The following PIK3R3 variants were observed in gnomAD, a reference collection of about 807,000 sequenced individuals.
PIK3R3 encodes phosphatidylinositol 3-kinase regulatory subunit gamma.
In PIK3R3, 64 loss-of-function variants were observed where a neutral mutation model predicts 62.9. The ratio of observed to expected loss-of-function variants is 1.02; its 90% confidence interval spans 0.83 to 1.25. PIK3R3 has a LOEUF of 1.25. PIK3R3 is among the 50% of genes most tolerant of loss of function. PIK3R3 has a pLI of 0.00. For synonymous variants in PIK3R3, 165 were observed against 189.0 expected, an observed-to-expected ratio of 0.87 and a Z score of 1.04; for missense variants, 614 against 561.6, an observed-to-expected ratio of 1.09 and a Z score of -0.94.
intron 1 of PIK3R3, among the ~76,000 whole-genome samples, chr1:46,116,682 T>TTAAA (rs893249616): frequency 7.2e-5 from 11 of 151,904 alleles, no homozygotes; most frequent in East Asian, 3.9e-4. Flanking sequence ...AAATTTTGTT[T>TTAAA]TAAATAAATA....
At chr1:46,165,772 T>TC in the PIK3R3 span, among the ~76,000 whole-genome samples, 1 of 101,802 alleles carries the variant, frequency 9.8e-6, no homozygotes, top group Non-Finnish European at 2.0e-5. Context: ...TTTTTTTTTT[T>TC]TTTTTTTTTT....
rs1258202037 is a variant in PIK3R3, at chr1:46,046,068, T to C, written c.1037A>G (p.Glu346Gly). Residue 346 changes from glutamate (E) to glycine (G), a missense_variant, in exon 9 of 10, where the codon GAA becomes GGA. By Grantham distance (98) the Glu-to-Gly change is moderately conservative. Coordinates refer to ENST00000262741, the MANE Select transcript of PIK3R3 (RefSeq NM_003629.4). ...ATCATAATGGGGCAGGTTTTCATCT[T>C]CCTCATTGATAAAATAGTTCCTAAA... ...DADENYFINE[E>G]DENLPHYDEK... is the part of the protein sequence containing the mutation. 1 of 1,599,068 alleles carries C rather than the reference T, an allele frequency of 6.3e-7. No individual in the cohort carries two copies. The highest frequency in any genetic ancestry group is 8.6e-7 in the Non-Finnish European group (1 of 1,168,546).
chr1:46,160,085 T>C, the PIK3R3 span, among the ~76,000 whole-genome samples: 1 of 152,220 alleles, frequency 6.6e-6, no homozygotes, highest in African/African-American at 2.4e-5. Context: ...TCCAAAATAG[T>C]TGGTTCATCA....
chr1:46,109,720 G>GATCC (rs1216545385), intron 1 of PIK3R3, among the ~76,000 whole-genome samples: 1 of 152,064 alleles, frequency 6.6e-6, no homozygotes, highest in Non-Finnish European at 1.5e-5. Context: ...CTGACCCCAT[G>GATCC]ATCCGCCCAC....
chr1:46,166,343 C>A, the PIK3R3 span, among the ~76,000 whole-genome samples: 1 of 151,918 alleles, frequency 6.6e-6, no homozygotes, highest in Non-Finnish European at 1.5e-5. Context: ...TGTGCTTCAG[C>A]CCCCGAGTAG....
At chr1:46,170,609 C>T in the PIK3R3 span, among the ~76,000 whole-genome samples, 2 of 152,158 alleles carry the variant, frequency 1.3e-5, no homozygotes, top group Non-Finnish European at 1.5e-5. Context: ...TTAGTAGAGA[C>T]GGGGCTTCAC....
At chr1:46,061,889 C>G (rs1236552993) in intron 6 of PIK3R3, 40 bp downstream of exon 6, 17 of 1,577,978 alleles carry the variant, frequency 1.1e-5, no homozygotes, top group Non-Finnish European at 1.5e-5. Flanking sequence ...AAAAGAAATC[C>G]TGTCTCACTG....
chr1:46,173,542 C>T, the PIK3R3 span, among the ~76,000 whole-genome samples: 1 of 152,160 alleles, frequency 6.6e-6, no homozygotes, highest in Non-Finnish European at 1.5e-5. Flanking sequence ...AGCCTGAGAG[C>T]CTGGTGTTCT....
Position 46,041,195 on chromosome 1 carries a change from T to C in PIK3R3, c.*2478A>G, listed in dbSNP as rs1646990079. ...CAAGTCATGGGCGTAGAGAAGCACC[T>C]TGCTACCCTCTCCCCCTCTACACAC... On this transcript the variant is annotated 3_prime_UTR_variant, in exon 10 of 10. Coordinates refer to ENST00000262741, the MANE Select transcript of PIK3R3 (RefSeq NM_003629.4). The C allele has an allele frequency of 6.5e-6, 1 of 153,820 alleles. No homozygotes were observed. The highest frequency in any genetic ancestry group is 2.1e-4 in the South Asian group (1 of 4,826). 9.5% of individuals were successfully genotyped at this position (153,820 alleles called of 1,614,324 possible).
chr1:46,044,023 G>A lies in PIK3R3; in HGVS notation c.1188-152C>T. The A allele has an allele frequency of 1.5e-6, 1 of 650,690 alleles. No individual in the cohort carries two copies. Among genetic ancestry groups the A allele is most frequent in the Non-Finnish European group, 2.6e-6 (1 of 378,450 alleles). The allele number at this position is 650,690 out of a possible 1,614,324, so 40.3% of individuals were successfully genotyped here. The stretch of plus-strand genomic sequence containing the variant: ...TGAAATTGCGTTCCCATTCCCTACA[G>A]ACTTGGCCACAGATACGGGTGTTAA... On this transcript the variant is annotated intron_variant, in intron 9 of 9. Coordinates refer to ENST00000262741, the MANE Select transcript of PIK3R3 (RefSeq NM_003629.4). This position sits in a 1 kb window ranked among gnomAD's most constrained non-coding sequence, Gnocchi z 4.2.
the PIK3R3 span, among the ~76,000 whole-genome samples, chr1:46,142,449 A>G: frequency 2.6e-5 from 4 of 152,226 alleles, no homozygotes; most frequent in Non-Finnish European, 5.9e-5. Flanking sequence ...CTGTAATCCC[A>G]GCACTTTGGG....
At chr1:46,073,876 C>T (rs570381207) in intron 3 of PIK3R3, among the ~76,000 whole-genome samples, 2 of 149,838 alleles carry the variant, frequency 1.3e-5, no homozygotes, top group South Asian at 2.1e-4. Context: ...TCTCATGATC[C>T]GCCTGCCTTG....
chr1:46,140,131 G>A, the PIK3R3 span, among the ~76,000 whole-genome samples: 1 of 152,178 alleles, frequency 6.6e-6, no homozygotes, highest in South Asian at 2.1e-4. Context: ...TGGGACCACA[G>A]ATGCACACCA....
chr1:46,154,305 C>T, the PIK3R3 span, among the ~76,000 whole-genome samples: 3 of 152,100 alleles, frequency 2.0e-5, no homozygotes, highest in Admixed American at 1.3e-4. Flanking sequence ...TGGTGGTGCA[C>T]GCCTGTAATC....
the PIK3R3 span, among the ~76,000 whole-genome samples, chr1:46,166,203 C>A: frequency 6.6e-6 from 1 of 151,484 alleles, no homozygotes; most frequent in East Asian, 2.0e-4. Flanking sequence ...TGCTTATAGG[C>A]TTTTTTCTTT....
the PIK3R3 span, among the ~76,000 whole-genome samples, chr1:46,162,877 C>A: frequency 6.6e-6 from 1 of 152,224 alleles, no homozygotes; most frequent in Admixed American, 6.5e-5. Context: ...CCCACCTCAG[C>A]TTTCCAAAGT....
At chr1:46,096,702 G>A (rs1319082486) in intron 1 of PIK3R3, among the ~76,000 whole-genome samples, 1 of 152,050 alleles carries the variant, frequency 6.6e-6, no homozygotes, top group African/African-American at 2.4e-5. Context: ...TTAGAGAGCA[G>A]CCTGGCCAAC....
chr1:46,168,750 C>A, the PIK3R3 span, among the ~76,000 whole-genome samples: 1 of 152,198 alleles, frequency 6.6e-6, no homozygotes, highest in Non-Finnish European at 1.5e-5. Flanking sequence ...TCCCCCTGCC[C>A]CTGGCTCTGG....
upstream of PIK3R3, among the ~76,000 whole-genome samples, chr1:46,136,099 T>G (rs1655922309): frequency 6.7e-6 from 1 of 148,426 alleles, no homozygotes; most frequent in Non-Finnish European, 1.5e-5. Context: ...ATCACTAGCA[T>G]TAGCACCAGA....
Sources: gnomAD v4.1 joint callset for allele counts (sites outside exome capture counted in the v4.1 genomes callset) on GRCh38, gnomAD v4.1.1 for gene constraint, Gnocchi (gnomAD v3.1) non-coding constraint, MANE v1.5 for transcripts, NCBI Gene and HGNC (gene_info 2026-07-23, HGNC 2026-07-21) for gene names.